Variants in CERS3 observed in about 807,000 individuals in gnomAD.
CERS3 encodes ceramide synthase 3, also known as LAG1 homolog, ceramide synthase 3.
Under a neutral mutation model 50.3 loss-of-function variants are expected in CERS3, and 33 were observed. The observed-to-expected ratio is 0.66, with a 90% CI of 0.50 to 0.88. The LOEUF (loss-of-function observed/expected upper bound fraction) is 0.88, where lower values mean the gene tolerates loss of function less well. CERS3 is among the 40% of genes least tolerant of loss of function. The pLI is 0.00. For synonymous variants in CERS3, 176 were observed against 155.2 expected, an observed-to-expected ratio of 1.13 and a Z score of -0.99; for missense variants, 470 against 460.3, an observed-to-expected ratio of 1.02 and a Z score of -0.19.
At chr15:100,502,255 A>AG (rs1567666852) in intron 2 of CERS3, among the ~76,000 whole-genome samples, 3 of 127,358 alleles carry the variant, frequency 2.4e-5, no homozygotes, top group Non-Finnish European at 5.1e-5. Context: ...AAAAAAGAAA[A>AG]AAAAAAAAAA....
chr15:100,418,591 A>T (rs1450097153), intron 11 of CERS3, among the ~76,000 whole-genome samples: 6 of 142,936 alleles, frequency 4.2e-5, no homozygotes, highest in Admixed American at 7.2e-5. Flanking sequence ...CGCCACAAAG[A>T]TACTCCTCGA....
intron 11 of CERS3, among the ~76,000 whole-genome samples, chr15:100,431,568 A>C (rs1286160538): frequency 6.6e-6 from 1 of 152,212 alleles, no homozygotes; most frequent in African/African-American, 2.4e-5. Context: ...AATGTAGGGA[A>C]GAGTATAGTG....
At chr15:100,440,515 T>C (rs143109689) in intron 11 of CERS3, among the ~76,000 whole-genome samples, 300 of 152,336 alleles carry the variant, frequency 2.0e-3, no homozygotes, top group African/African-American at 6.8e-3. Flanking sequence ...TGACTCTCTA[T>C]TCGGACTCAG....
intron 11 of CERS3, among the ~76,000 whole-genome samples, chr15:100,423,940 TTTC>T (rs2032637996): frequency 1.3e-5 from 2 of 149,582 alleles, no homozygotes; most frequent in Admixed American, 6.6e-5. Context: ...TATTTCTTTC[TTTC>T]TTTTTTTTTT....
chr15:100,458,592 A>G (rs1205458859), intron 10 of CERS3, among the ~76,000 whole-genome samples: 1 of 152,090 alleles, frequency 6.6e-6, no homozygotes, highest in Non-Finnish European at 1.5e-5. Flanking sequence ...TCTCAAAAAA[A>G]AAAAAAAAGA....
At chr15:100,426,913 C>G (rs1478924594) in intron 11 of CERS3, among the ~76,000 whole-genome samples, 4 of 152,182 alleles carry the variant, frequency 2.6e-5, no homozygotes, top group Admixed American at 1.3e-4. Context: ...TTATGAGGTA[C>G]TTCATTTCCA....
At position 100,401,717 on chromosome 15, in the gene CERS3, G is replaced by C. The variant is rs2030549873; in HGVS notation, c.*996C>G. On this transcript the variant is annotated 3_prime_UTR_variant, in exon 12 of 12. Coordinates refer to ENST00000679737, the MANE Select transcript of CERS3 (RefSeq NM_001378789.1). The stretch of plus-strand genomic sequence containing the variant: ...GTGATGAGGCTCAGCAAGCAACCTG[G>C]CCTGGATCCCATTCCCCCGTGGAGG... 1 of 152,450 alleles carries C rather than the reference G, an allele frequency of 6.6e-6. No individual in the cohort carries two copies. Among genetic ancestry groups the C allele is most frequent in the Non-Finnish European group, 1.5e-5 (1 of 68,268 alleles). The allele number at this position is 152,450 out of a possible 1,614,324, so 9.4% of individuals were successfully genotyped here.
intron 1 of CERS3, among the ~76,000 whole-genome samples, chr15:100,534,996 A>T (rs528944790): frequency 6.6e-6 from 1 of 152,232 alleles, no homozygotes; most frequent in Non-Finnish European, 1.5e-5. Context: ...AGACTGAACC[A>T]ATGTACATCT....
At chr15:100,528,585 ACT>A (rs1239860344) in intron 1 of CERS3, among the ~76,000 whole-genome samples, 7 of 151,878 alleles carry the variant, frequency 4.6e-5, no homozygotes, top group African/African-American at 1.7e-4. Context: ...TCCAAGCAAA[ACT>A]CTACAAAGCA....
At position 100,445,318 on chromosome 15, in the gene CERS3, A is replaced by G. The variant is rs981696583; in HGVS notation, c.999+10575T>C. On this transcript the variant is annotated intron_variant, in intron 11 of 11. Transcript: ENST00000679737. The stretch of plus-strand genomic sequence containing the variant: ...GTGCCCTGCTCTTGTTTACACTGCC[A>G]GTTTACACTGTTTCTCCAAGCCATC... 5.6e-5 allele frequency among the ~76,000 whole-genome samples: 8 copies of G among 144,080 alleles called. No individual in the cohort carries two copies. The East Asian group carries it at 1.0e-3, about 18-fold the overall frequency. 94.5% of individuals were successfully genotyped at this position (144,080 alleles called of 152,430 possible).
chr15:100,473,066 G>T lies in CERS3; in HGVS notation c.610-14C>A. 1.2e-6 allele frequency: 2 copies of T among 1,608,078 alleles called. No individual in the cohort carries two copies. Among genetic ancestry groups the T allele is most frequent in the African/African-American group, 1.3e-5 (1 of 74,750 alleles). ...AGCTAGAAAATCCTGTAAGATGAGGGAAAATGGAAGCCATTAAGGAAATGC... is the reference window on the plus strand; with the variant it reads ...AGCTAGAAAATCCTGTAAGATGAGGTAAAATGGAAGCCATTAAGGAAATGC... On this transcript the variant is annotated splice_polypyrimidine_tract_variant and intron_variant, in intron 8 of 11. Coordinates refer to ENST00000679737, the MANE Select transcript of CERS3 (RefSeq NM_001378789.1).
At chr15:100,443,133 A>G (rs1477595168) in intron 11 of CERS3, among the ~76,000 whole-genome samples, 1 of 151,138 alleles carries the variant, frequency 6.6e-6, no homozygotes, top group African/African-American at 2.4e-5. Context: ...CTTCTTCCCA[A>G]TCCAAAGCCT....
At position 100,462,431 on chromosome 15, in the gene CERS3, T is replaced by C. The variant is rs74863853; in HGVS notation, c.846-6385A>G. Among the ~76,000 whole-genome samples, 501 of 152,338 alleles carry C rather than the reference T, an allele frequency of 3.3e-3. 6 individuals carry two copies. In the East Asian group the frequency reaches 0.034, roughly 10 times the overall value. On this transcript the variant is annotated intron_variant, in intron 10 of 11. Coordinates refer to ENST00000679737, the MANE Select transcript of CERS3 (RefSeq NM_001378789.1). The stretch of plus-strand genomic sequence containing the variant: ...CAAGGTAAGGGTCTTATTTTCTTGC[T>C]AATTGTGGGTATGAGCATTAAGCCC...
intron 3 of CERS3, among the ~76,000 whole-genome samples, chr15:100,499,069 T>C (rs2035918671): frequency 6.6e-6 from 1 of 152,196 alleles, no homozygotes; most frequent in South Asian, 2.1e-4. Flanking sequence ...TAAAGAACGA[T>C]GGACATACTG....
intron 11 of CERS3, among the ~76,000 whole-genome samples, chr15:100,415,127 C>T (rs1596614283): frequency 1.3e-5 from 2 of 152,292 alleles, no homozygotes; most frequent in East Asian, 3.9e-4. Flanking sequence ...TGAACAGACA[C>T]TTCTCAAAAG....
rs576794711 is a variant in CERS3 at position 100,479,550 on chromosome 15, A to G, written c.466-72T>C. On this transcript the variant is annotated intron_variant, in intron 6 of 11. Transcript: ENST00000679737. ...GTCGGTGTCAAAGGTCAATTTTGGC[A>G]GAAAACCTAAGCTCTTCCTTATGTC... The G allele has an allele frequency of 1.2e-4, 128 of 1,105,758 alleles. No individual in the cohort carries two copies. In the African/African-American group the frequency reaches 1.4e-3, roughly 12 times the overall value. 68.5% of individuals were successfully genotyped at this position (1,105,758 alleles called of 1,614,324 possible). A position where few individuals can be genotyped will look rare whatever the true frequency, so the allele number is the denominator to read the frequency against.
rs1443472670 is a variant in CERS3, at chr15:100,413,404, G to A, written c.1000-10539C>T. 2.6e-5 allele frequency among the ~76,000 whole-genome samples: 4 copies of A among 152,002 alleles called. No individual in the cohort carries two copies. The East Asian group carries it at 7.7e-4, about 29-fold the overall frequency. ...TCTTAATATTCAAGATACACAAAGA[G>A]CTCAAATAACTCATATGCACCATTA... On this transcript the variant is annotated intron_variant, in intron 11 of 11. Transcript: ENST00000679737.
At chr15:100,430,722 C>T (rs893931054) in intron 11 of CERS3, among the ~76,000 whole-genome samples, 9 of 139,442 alleles carry the variant, frequency 6.5e-5, no homozygotes, top group African/African-American at 2.3e-4. Context: ...GAAAAAAATA[C>T]ATTCAGTCAG....
chr15:100,459,589 G>C (rs2142206861), intron 10 of CERS3, among the ~76,000 whole-genome samples: 1 of 152,186 alleles, frequency 6.6e-6, no homozygotes, highest in South Asian at 2.1e-4. Flanking sequence ...CACCACGTGT[G>C]GTTCTATAAA....
Sources: gnomAD v4.1 joint callset for allele counts (sites outside exome capture counted in the v4.1 genomes callset) on GRCh38, gnomAD v4.1.1 for gene constraint, MANE v1.5 for transcripts, NCBI Gene and HGNC (gene_info 2026-07-23, HGNC 2026-07-21) for gene names.